The following SORBS2 variants were observed in gnomAD, a reference collection of about 807,000 sequenced individuals.
The protein encoded by SORBS2 is sorbin and SH3 domain-containing protein 2.
In SORBS2, 46 loss-of-function variants were observed where a neutral mutation model predicts 97.7. The observed-to-expected ratio is 0.47, with a 90% CI of 0.37 to 0.60. The LOEUF (loss-of-function observed/expected upper bound fraction) is 0.60, where lower values mean the gene tolerates loss of function less well. Among genes scored for constraint, SORBS2 ranks in the 20% least tolerant of loss-of-function variants. The probability of loss-of-function intolerance (pLI) is 0.00; values close to 1 mark genes in which losing one functional copy is unlikely to be tolerated. For synonymous variants in SORBS2, 476 were observed against 473.4 expected (o/e 1.01, Z -0.07); for missense variants, 1,316 against 1,282.3 (o/e 1.03, Z -0.40).
At chr4:185,890,187 C>T (rs1484049546) in intron 1 of SORBS2, among the ~76,000 whole-genome samples, 1 of 152,164 alleles carries the variant, frequency 6.6e-6, no homozygotes, top group Non-Finnish European at 1.5e-5. Flanking sequence ...GCACCTGGAC[C>T]AGATTAATTT....
At chr4:185,838,226 C>T (rs1420540941) in intron 1 of SORBS2, among the ~76,000 whole-genome samples, 1 of 152,276 alleles carries the variant, frequency 6.6e-6, no homozygotes. Flanking sequence ...GCTTCCTGCC[C>T]AGCTTCCCGG....
chr4:185,676,373 A>G (rs1280654032), intron 4 of SORBS2, among the ~76,000 whole-genome samples: 1 of 152,218 alleles, frequency 6.6e-6, no homozygotes, highest in Non-Finnish European at 1.5e-5. Flanking sequence ...CTGTTAACAG[A>G]CTAATACATG....
intron 1 of SORBS2, among the ~76,000 whole-genome samples, chr4:185,902,830 T>C (rs577441625): frequency 6.6e-6 from 1 of 152,206 alleles, no homozygotes; most frequent in Non-Finnish European, 1.5e-5. Flanking sequence ...TGACAGCAGT[T>C]GGTTTAGCTG....
At chr4:185,818,995 T>C (rs1413851644) in intron 1 of SORBS2, among the ~76,000 whole-genome samples, 1 of 152,214 alleles carries the variant, frequency 6.6e-6, no homozygotes, top group African/African-American at 2.4e-5. Flanking sequence ...ATGTGGACTC[T>C]TTCCTATATC....
chr4:185,934,781 CA>C (rs397996572), intron 1 of SORBS2, among the ~76,000 whole-genome samples: 2,306 of 100,744 alleles, frequency 0.023, 25 homozygotes, highest in Middle Eastern at 0.046. Context: ...GACTCCATCT[CA>C]AAAAAAAAAA....
At chr4:185,603,998 G>A (rs1179457883) in intron 12 of SORBS2, among the ~76,000 whole-genome samples, 2 of 152,136 alleles carry the variant, frequency 1.3e-5, no homozygotes, top group South Asian at 2.1e-4. Context: ...GGGAAATGAC[G>A]GGAGACAATG....
chr4:185,600,479 C>G (rs1234414201), intron 12 of SORBS2, among the ~76,000 whole-genome samples: 2 of 152,182 alleles, frequency 1.3e-5, no homozygotes, highest in Non-Finnish European at 2.9e-5. Flanking sequence ...GCTGGGATCA[C>G]AGGCACCCGC....
chr4:185,877,322 C>CA (rs988424580), intron 1 of SORBS2, among the ~76,000 whole-genome samples: 28 of 151,100 alleles, frequency 1.9e-4, no homozygotes, highest in African/African-American at 3.6e-4. Flanking sequence ...CCAAAGTAAG[C>CA]AAAAAAAAGA....
intron 12 of SORBS2, among the ~76,000 whole-genome samples, chr4:185,599,004 C>T (rs531200306): frequency 3.2e-4 from 49 of 152,244 alleles, no homozygotes; most frequent in African/African-American, 9.6e-4. Context: ...GAAGGCCATT[C>T]GGGGGAGTCT....
intron 1 of SORBS2, among the ~76,000 whole-genome samples, chr4:185,911,516 C>T (rs898100935): frequency 3.3e-5 from 5 of 152,066 alleles, no homozygotes; most frequent in South Asian, 2.1e-4. Flanking sequence ...TGAGCCACCA[C>T]GCCCAGCCTG....
chr4:185,607,062 C>T lies in SORBS2; in HGVS notation c.2796+4718G>A, dbSNP rs1351843662. 6 of 1,033,044 alleles carry T rather than the reference C, an allele frequency of 5.8e-6. No individual in the cohort carries two copies. Among genetic ancestry groups the T allele is most frequent in the Non-Finnish European group, 4.7e-6 (4 of 858,132 alleles). 64.0% of individuals were successfully genotyped at this position (1,033,044 alleles called of 1,614,324 possible). On this transcript the variant is annotated intron_variant, in intron 12 of 14. Coordinates refer to ENST00000418609, the Ensembl canonical transcript of SORBS2. This position sits in a 1 kb window ranked among gnomAD's most constrained non-coding sequence, Gnocchi z 5.2. ...TGGAAGGTGATTCGGCAGGTGCAGT[C>T]GCTGGGGACAATGGGAGGAGGACAG...
At chr4:185,692,399 G>C (rs543094872) in intron 2 of SORBS2, among the ~76,000 whole-genome samples, 1 of 152,310 alleles carries the variant, frequency 6.6e-6, no homozygotes, top group African/African-American at 2.4e-5. Context: ...TGTCAAGAAA[G>C]ACTTTTGATA....
chr4:185,815,984 T>C (rs1322776511), intron 1 of SORBS2, among the ~76,000 whole-genome samples: 1 of 152,266 alleles, frequency 6.6e-6, no homozygotes, highest in African/African-American at 2.4e-5. Flanking sequence ...CATAACTATT[T>C]ATCAGAGTTG....
chr4:185,696,456 AC>A (rs2098176233), intron 2 of SORBS2, among the ~76,000 whole-genome samples: 1 of 152,020 alleles, frequency 6.6e-6, no homozygotes, highest in African/African-American at 2.4e-5. Context: ...CCAGCACCTT[AC>A]TTTCTTTTTT....
At chr4:185,879,354 A>AT (rs747170326) in intron 1 of SORBS2, among the ~76,000 whole-genome samples, 7 of 151,506 alleles carry the variant, frequency 4.6e-5, no homozygotes, top group Non-Finnish European at 1.0e-4. Context: ...TGAACTCATC[A>AT]TTTTTTATGG....
intron 4 of SORBS2, among the ~76,000 whole-genome samples, chr4:185,643,381 C>T (rs1383671835): frequency 6.6e-6 from 1 of 152,142 alleles, no homozygotes; most frequent in Non-Finnish European, 1.5e-5. Flanking sequence ...AGAGATGAGG[C>T]TGGAGAGGTC....
intron 1 of SORBS2, among the ~76,000 whole-genome samples, chr4:185,815,664 G>T: frequency 6.9e-6 from 1 of 145,432 alleles, no homozygotes; most frequent in African/African-American, 2.7e-5. Flanking sequence ...CATATATATG[G>T]AGAGAGAGAG....
At chr4:185,948,731 T>G (rs1018047252) in intron 1 of SORBS2, among the ~76,000 whole-genome samples, 1 of 151,944 alleles carries the variant, frequency 6.6e-6, no homozygotes, top group Non-Finnish European at 1.5e-5. Context: ...TTGGCCAGAC[T>G]GGTCTTGAAC....
chr4:185,949,649 A>G (rs771609599), intron 1 of SORBS2, among the ~76,000 whole-genome samples: 1 of 152,208 alleles, frequency 6.6e-6, no homozygotes, highest in East Asian at 1.9e-4. Context: ...ACTGTGCAGC[A>G]GTGTGGATAA....
Sources: gnomAD v4.1 joint callset for allele counts (sites outside exome capture counted in the v4.1 genomes callset) on GRCh38, gnomAD v4.1.1 for gene constraint, Gnocchi (gnomAD v3.1) non-coding constraint, MANE v1.5 for transcripts, NCBI Gene and HGNC (gene_info 2026-07-23, HGNC 2026-07-21) for gene names.